PSMD7: variants seen among roughly 807,000 people sequenced by gnomAD.
The protein encoded by PSMD7 is 26S proteasome non-ATPase regulatory subunit 7.
A neutral mutation model predicts 36.4 loss-of-function variants in PSMD7; 13 were observed. The observed-to-expected ratio is 0.36, with a 90% CI of 0.23 to 0.57. The LOEUF (loss-of-function observed/expected upper bound fraction) is 0.57. PSMD7 is among the 20% of genes least tolerant of loss of function. The probability of loss-of-function intolerance (pLI) is 0.83; values close to 1 mark genes in which losing one functional copy is unlikely to be tolerated. For missense variants in PSMD7, 298 were observed against 393.6 expected, an observed-to-expected ratio of 0.76 and a Z score of 2.06; for synonymous variants, 186 against 151.0, an observed-to-expected ratio of 1.23 and a Z score of -1.70.
At position 74,305,850 on chromosome 16, in the gene PSMD7, A is replaced by C; in HGVS notation, c.*117A>C. The C allele has an allele frequency of 8.3e-7, 1 of 1,198,770 alleles. No individual in the cohort carries two copies. The highest frequency in any genetic ancestry group is 1.1e-6 in the Non-Finnish European group (1 of 919,382). 74.3% of individuals were successfully genotyped at this position (1,198,770 alleles called of 1,614,324 possible). On this transcript the variant is annotated 3_prime_UTR_variant, in exon 7 of 7. Coordinates refer to ENST00000219313, the MANE Select transcript of PSMD7 (RefSeq NM_002811.5). ...CTTATTAGAAAGCTGACCCAACAAG[A>C]GCTCTCTGCCTCCGGTCACTCTTGC...
At chr16:74,303,472 C>T (rs1375844385) in intron 5 of PSMD7, among the ~76,000 whole-genome samples, 2 of 152,310 alleles carry the variant, frequency 1.3e-5, no homozygotes, top group African/African-American at 4.8e-5. Context: ...ACAGCCTCTT[C>T]TGGCACAAGG....
intron 6 of PSMD7, among the ~76,000 whole-genome samples, chr16:74,304,958 G>A (rs951454998): frequency 2.0e-5 from 3 of 152,186 alleles, no homozygotes; most frequent in Admixed American, 2.0e-4. Flanking sequence ...GACAGCTTCA[G>A]TACAAGGTTA....
intron 5 of PSMD7, 47 bp downstream of exon 5, chr16:74,302,339 G>C (rs1361847147): frequency 1.4e-6 from 2 of 1,449,238 alleles, no homozygotes; most frequent in Non-Finnish European, 1.9e-6. Context: ...GCTACTTATT[G>C]GGTGATTAGC....
chr16:74,304,207 G>T, intron 5 of PSMD7, 96 bp from the exon 6 acceptor site: 4 of 1,071,620 alleles, frequency 3.7e-6, no homozygotes, highest in East Asian at 2.4e-5. Flanking sequence ...CTCATTAAAT[G>T]AGCTGACTTA....
At position 74,297,593 on chromosome 16, in the gene PSMD7, C is replaced by G. The variant is rs574205496; in HGVS notation, c.74+605C>G. ...CAAGGCTATGTTTATCTTCGTTTGACCGAATTGGTTTCACCGAAATATGGA... is the reference window on the plus strand; with the variant it reads ...CAAGGCTATGTTTATCTTCGTTTGAGCGAATTGGTTTCACCGAAATATGGA... On this transcript the variant is annotated intron_variant, in intron 1 of 6. Transcript: ENST00000219313. Among the ~76,000 whole-genome samples the G allele has an allele frequency of 5.5e-4, 83 of 152,102 alleles. 1 individual carries two copies. In the South Asian group the frequency reaches 0.016, roughly 30 times the overall value.
intron 1 of PSMD7, among the ~76,000 whole-genome samples, chr16:74,297,453 G>T (rs2034122721): frequency 6.6e-6 from 1 of 152,062 alleles, no homozygotes; most frequent in South Asian, 2.1e-4. Context: ...CGACCCCAGG[G>T]TCGTATCTTC....
chr16:74,297,129 C>G (rs553538853), intron 1 of PSMD7, 141 bp downstream of exon 1: 5 of 876,384 alleles, frequency 5.7e-6, no homozygotes, highest in Non-Finnish European at 8.9e-6. Flanking sequence ...GAGTCCAGAC[C>G]AGCGTCGGCT....
intron 5 of PSMD7, among the ~76,000 whole-genome samples, chr16:74,302,530 C>A (rs1429604224): frequency 6.6e-6 from 1 of 152,068 alleles, no homozygotes; most frequent in East Asian, 1.9e-4. Flanking sequence ...GGGAGGATTG[C>A]CTAAGCCTAG....
intron 1 of PSMD7, among the ~76,000 whole-genome samples, chr16:74,297,835 T>C (rs2034125630): frequency 2.6e-5 from 4 of 152,152 alleles, no homozygotes. Context: ...ATGTTTGTCT[T>C]CATTTGACCG....
Position 74,301,569 on chromosome 16 carries a change from G to C in PSMD7, c.274G>C (p.Val92Leu), listed in dbSNP as rs968482079. Residue 92 changes from valine (V) to leucine (L), a missense_variant, in exon 4 of 7, where the codon GTT becomes CTT. By Grantham distance (32) the Val-to-Leu change is conservative. Transcript: ENST00000219313. ...FKKVNARERIVGWYHTGPKLH... is the reference protein window; with the variant it reads ...FKKVNARERILGWYHTGPKLH... ...TTCCTTCCTAGCCAGGGAAAGAATAGTTGGCTGGTACCACACAGGCCCTAA... is the reference window on the plus strand; with the variant it reads ...TTCCTTCCTAGCCAGGGAAAGAATACTTGGCTGGTACCACACAGGCCCTAA... The C allele has an allele frequency of 6.2e-7, 1 of 1,612,790 alleles. No individual in the cohort carries two copies. Among genetic ancestry groups the C allele is most frequent in the Admixed American group, 1.7e-5 (1 of 59,874 alleles).
At chr16:74,300,284 C>G (rs750120927) in intron 2 of PSMD7, 78 bp downstream of exon 2, 12 of 1,284,940 alleles carry the variant, frequency 9.3e-6, no homozygotes, top group Non-Finnish European at 1.3e-5. Flanking sequence ...CCTTTGTTAC[C>G]GCTTTTGACT....
Position 74,303,147 on chromosome 16 carries a change from A to C in PSMD7, c.438+855A>C, listed in dbSNP as rs1486416106. On this transcript the variant is annotated intron_variant, in intron 5 of 6. Coordinates refer to ENST00000219313, the MANE Select transcript of PSMD7 (RefSeq NM_002811.5). ...TGGGTCATGTTACAAGGTGAAGCTC[A>C]AGAAGAATTAGTGCCTGTAAAGGTT... Among the ~76,000 whole-genome samples the C allele has an allele frequency of 2.6e-5, 4 of 152,366 alleles. No homozygotes were observed. In the East Asian group the frequency reaches 7.7e-4, roughly 29 times the overall value.
chr16:74,298,513 C>T (rs1237789110), intron 1 of PSMD7, among the ~76,000 whole-genome samples: 2 of 152,172 alleles, frequency 1.3e-5, no homozygotes, highest in African/African-American at 4.8e-5. Flanking sequence ...CTATTTTTCT[C>T]CCATGGGATA....
chr16:74,299,253 C>T (rs181861096), intron 1 of PSMD7, among the ~76,000 whole-genome samples: 1 of 152,166 alleles, frequency 6.6e-6, no homozygotes, highest in Non-Finnish European at 1.5e-5. Context: ...AAAAATACTT[C>T]TTGAAGACCA....
intron 1 of PSMD7, 152 bp from the exon 2 acceptor site, chr16:74,299,963 C>A: frequency 1.5e-6 from 1 of 682,528 alleles, no homozygotes; most frequent in African/African-American, 1.8e-5. Context: ...TAGTTAATAT[C>A]AACCTAACCC....
chr16:74,302,372 C>T (rs2034162559), intron 5 of PSMD7, 80 bp downstream of exon 5: 1 of 1,148,076 alleles, frequency 8.7e-7, no homozygotes, highest in Admixed American at 2.2e-5. Context: ...ATTTTCAGGT[C>T]AACAAATCCT....
At chr16:74,301,970 CTG>C (rs1597118951) in intron 4 of PSMD7, among the ~76,000 whole-genome samples, 1 of 152,236 alleles carries the variant, frequency 6.6e-6, no homozygotes, top group East Asian at 1.9e-4. Context: ...GAAATTTTGG[CTG>C]TGTTGACTCT....
chr16:74,304,210 C>G, intron 5 of PSMD7, 93 bp from the exon 6 acceptor site: 1 of 1,117,864 alleles, frequency 8.9e-7, no homozygotes, highest in South Asian at 1.3e-5. Flanking sequence ...ATTAAATGAG[C>G]TGACTTAAAG....
chr16:74,299,471 C>G (rs764938633), intron 1 of PSMD7: 1 of 414,150 alleles, frequency 2.4e-6, no homozygotes, highest in Non-Finnish European at 5.0e-6. Context: ...ACTCGACCTT[C>G]TGAGCTCAAG....
Sources: gnomAD v4.1 joint callset for allele counts (sites outside exome capture counted in the v4.1 genomes callset) on GRCh38, gnomAD v4.1.1 for gene constraint, MANE v1.5 for transcripts, NCBI Gene and HGNC (gene_info 2026-07-23, HGNC 2026-07-21) for gene names.